Variants in SLC15A3 observed in about 807,000 individuals in gnomAD.
SLC15A3 encodes osteoclast transporter.
Under a neutral mutation model 49.2 loss-of-function variants are expected in SLC15A3, and 39 were observed. The ratio of observed to expected loss-of-function variants is 0.79; its 90% CI spans 0.61 to 1.04. The LOEUF (loss-of-function observed/expected upper bound fraction) is 1.04, where lower values mean the gene tolerates loss of function less well. SLC15A3 is among the 50% of genes least tolerant of loss of function. SLC15A3 has a pLI of 0.00. For missense variants in SLC15A3, 758 were observed against 794.8 expected, an observed-to-expected ratio of 0.95 and a Z score of 0.56; for synonymous variants, 339 against 367.0, an observed-to-expected ratio of 0.92 and a Z score of 0.87.
At chr11:60,941,048 A>G (rs1590636899) in intron 5 of SLC15A3, 74 bp downstream of exon 5, 1 of 1,499,716 alleles carries the variant, frequency 6.7e-7, no homozygotes, top group East Asian at 2.4e-5. Context: ...CTACCACTTC[A>G]GCATCAGCCC....
chr11:60,942,480 C>G (rs1204803452), intron 3 of SLC15A3: 6 of 233,526 alleles, frequency 2.6e-5, no homozygotes, highest in Non-Finnish European at 5.2e-5. Context: ...AATGGCTGCC[C>G]CCACAGGGAG....
At chr11:60,939,208 G>T (rs528730756) in intron 6 of SLC15A3, among the ~76,000 whole-genome samples, 2 of 152,332 alleles carry the variant, frequency 1.3e-5, no homozygotes, top group South Asian at 4.1e-4. Flanking sequence ...AGACACAGAG[G>T]GTGGAGAACC....
chr11:60,940,108 A>G (rs909335290), intron 5 of SLC15A3: 28 of 166,554 alleles, frequency 1.7e-4, no homozygotes, highest in Admixed American at 1.6e-3. Flanking sequence ...AACGTCAAGT[A>G]TTGCTGTAGT....
chr11:60,948,930 G>A (rs567803960), intron 1 of SLC15A3, among the ~76,000 whole-genome samples: 1 of 152,318 alleles, frequency 6.6e-6, no homozygotes, highest in African/African-American at 2.4e-5. Flanking sequence ...TACTGGGTTG[G>A]GGGTGCTAGT....
intron 1 of SLC15A3, among the ~76,000 whole-genome samples, chr11:60,948,799 G>C (rs956215389): frequency 7.9e-5 from 12 of 152,202 alleles, no homozygotes; most frequent in African/African-American, 2.9e-4. Context: ...TTCTGGCCCT[G>C]TTGATGCCAC....
intron 2 of SLC15A3, among the ~76,000 whole-genome samples, chr11:60,945,557 A>G (rs1016031581): frequency 5.3e-5 from 8 of 152,252 alleles, no homozygotes; most frequent in African/African-American, 1.9e-4. Flanking sequence ...AATATGCCAG[A>G]CTGGGGAAAG....
chr11:60,942,361 C>T (rs980988295), intron 3 of SLC15A3: 7 of 505,242 alleles, frequency 1.4e-5, no homozygotes, highest in Middle Eastern at 5.5e-4. Flanking sequence ...GTAGGCAGTG[C>T]GTGCAGCCTT....
rs188826950 is a variant in SLC15A3, at chr11:60,943,410, C to T, written c.996+279G>A. 10 of 254,594 alleles carry T rather than the reference C, an allele frequency of 3.9e-5. No homozygotes were observed. The East Asian group carries it at 7.0e-4, about 18-fold the overall frequency. 15.8% of individuals were successfully genotyped at this position (254,594 alleles called of 1,614,324 possible). ...AGAGATGAGGTGACTTATTCAAGGA[C>T]CTAGCCTGGCACAAAGCCATCCCAG... On this transcript the variant is annotated intron_variant, in intron 3 of 7. Coordinates refer to ENST00000227880, the MANE Select transcript of SLC15A3 (RefSeq NM_016582.3).
intron 1 of SLC15A3, among the ~76,000 whole-genome samples, chr11:60,950,728 T>C (rs1471905375): frequency 6.6e-6 from 1 of 152,128 alleles, no homozygotes; most frequent in Non-Finnish European, 1.5e-5. Flanking sequence ...GAGGCTGAGG[T>C]TGCAGTGCGC....
chr11:60,941,756 T>TTTGTTG (rs1856711533), intron 4 of SLC15A3: 4 of 425,618 alleles, frequency 9.4e-6, no homozygotes, highest in Non-Finnish European at 1.7e-5. Flanking sequence ...GGGACCTAAG[T>TTTGTTG]ATGCTTGATC....
chr11:60,938,113 C>A, intron 6 of SLC15A3, 88 bp from the exon 7 acceptor site: 1 of 1,454,888 alleles, frequency 6.9e-7, no homozygotes, highest in Non-Finnish European at 9.2e-7. Context: ...CTGACCCTGC[C>A]CCCACCAAGC....
At chr11:60,949,057 C>T (rs190415103) in intron 1 of SLC15A3, among the ~76,000 whole-genome samples, 106 of 152,260 alleles carry the variant, frequency 7.0e-4, no homozygotes, top group African/African-American at 2.5e-3. Flanking sequence ...CAGGGCTGGC[C>T]GGTCGCAGTG....
At chr11:60,949,105 G>T (rs959966827) in intron 1 of SLC15A3, among the ~76,000 whole-genome samples, 1 of 152,078 alleles carries the variant, frequency 6.6e-6, no homozygotes, top group Admixed American at 6.5e-5. Context: ...GGAGGCTGAG[G>T]CAGGTGGATC....
In SLC15A3 at chr11:60,939,495, A is replaced by T. The variant is rs762296877; in HGVS notation, c.1420T>A (p.Phe474Ile). ...QYLLIGISEIFASIPGLEFAY... is the reference protein window; with the variant it reads ...QYLLIGISEIIASIPGLEFAY... Reference sequence around the variant, plus strand: ...TCCAGGGTACCTGGGATGCTGGCAAAGATCTCACTGATCCCAATGAGCAGG... The same window carrying T: ...TCCAGGGTACCTGGGATGCTGGCAATGATCTCACTGATCCCAATGAGCAGG... Residue 474 changes from phenylalanine to isoleucine, a missense_variant, in exon 6 of 8, where the codon TTT becomes ATT. Phe to Ile is a conservative substitution (Grantham distance 21, BLOSUM62 0). This residue lies in a region of SLC15A3 where 699 missense variants were observed against 706.7 expected (regional missense o/e 0.99). Coordinates refer to ENST00000227880, the MANE Select transcript of SLC15A3 (RefSeq NM_016582.3). 1 of 1,614,124 alleles carries T rather than the reference A, an allele frequency of 6.2e-7. No homozygotes were observed.
intron 1 of SLC15A3, among the ~76,000 whole-genome samples, chr11:60,948,244 C>T (rs2134938999): frequency 6.6e-6 from 1 of 152,322 alleles, no homozygotes; most frequent in Non-Finnish European, 1.5e-5. Context: ...GGCATACCAG[C>T]TCACTGATAA....
At chr11:60,948,441 C>T (rs1856836321) in intron 1 of SLC15A3, among the ~76,000 whole-genome samples, 1 of 152,144 alleles carries the variant, frequency 6.6e-6, no homozygotes, top group Non-Finnish European at 1.5e-5. Flanking sequence ...GATGGATGGC[C>T]CTTTCTGAAA....
chr11:60,938,214 C>T (rs1856654083), intron 6 of SLC15A3, 189 bp from the exon 7 acceptor site: 3 of 666,082 alleles, frequency 4.5e-6, no homozygotes, highest in South Asian at 4.2e-5. Flanking sequence ...CCCTGCTCAC[C>T]TGCCTCCTGG....
In SLC15A3 at chr11:60,945,106, C is replaced by T. The variant is rs375947924; in HGVS notation, c.849-1270G>A. Among the ~76,000 whole-genome samples the T allele has an allele frequency of 6.6e-5, 10 of 152,300 alleles. No homozygotes were observed. In the South Asian group the frequency reaches 8.3e-4, roughly 13 times the overall value. On this transcript the variant is annotated intron_variant, in intron 2 of 7. Transcript: ENST00000227880. ...CAGAAGTGGTGGTCTGGGACTTCAA[C>T]GCCTCTTAAGGACCTTAAGAAGACC...
intron 3 of SLC15A3, 157 bp downstream of exon 3, chr11:60,943,532 T>G (rs147976626): frequency 4.1e-6 from 3 of 727,886 alleles, no homozygotes; most frequent in Non-Finnish European, 5.9e-6. Flanking sequence ...GACGGCTTTG[T>G]GCCAGGCCCC....
Sources: allele counts gnomAD v4.1 joint callset (sites outside exome capture counted in the v4.1 genomes callset), GRCh38; gene constraint gnomAD v4.1.1; regional missense constraint gnomAD v4.1.1; transcripts MANE v1.5; gene names NCBI Gene and HGNC (gene_info 2026-07-23, HGNC 2026-07-21).